The following C10orf105 variants were observed in gnomAD, a reference collection of about 807,000 sequenced individuals.
The protein encoded by C10orf105 is uncharacterized protein C10orf105.
Under a neutral mutation model 0.6 loss-of-function variants are expected in C10orf105, and 2 were observed. The ratio of observed to expected loss-of-function variants is 3.18; its 90% CI spans 1.30 to 10.01. The LOEUF (loss-of-function observed/expected upper bound fraction) is 10.01, where lower values mean the gene tolerates loss of function less well. C10orf105 is among the 30% of genes most tolerant of loss of function. The probability of loss-of-function intolerance (pLI) is 0.04; values close to 1 mark genes in which losing one functional copy is unlikely to be tolerated. For synonymous variants in C10orf105, 95 were observed against 82.4 expected, an observed-to-expected ratio of 1.15 and a Z score of -0.83; for missense variants, 209 against 191.4, an observed-to-expected ratio of 1.09 and a Z score of -0.54.
chr10:71,733,552 A>T (rs1364357727), intron 1 of C10orf105, among the ~76,000 whole-genome samples: 1 of 152,192 alleles, frequency 6.6e-6, no homozygotes, highest in Non-Finnish European at 1.5e-5. Context: ...AGGAAATGCC[A>T]GGGGATTAAG....
At chr10:71,723,963 G>A, upstream of C10orf105, 1 of 1,485,630 alleles carries the variant, frequency 6.7e-7, no homozygotes, top group Admixed American at 2.0e-5. Context: ...GATGCGTGAA[G>A]GGAAGGAAAG....
intron 1 of C10orf105, chr10:71,725,670 AG>A (rs1866779572): frequency 5.3e-6 from 5 of 948,730 alleles, no homozygotes; most frequent in African/African-American, 3.3e-5. Flanking sequence ...GTTCGGTGAC[AG>A]GTGCCCAGCC....
At position 71,713,523 on chromosome 10, in the gene C10orf105, T is replaced by G; in HGVS notation, c.*2413A>C. 1.9e-6 allele frequency: 1 copy of G among 519,098 alleles called. No homozygotes were observed. The highest frequency in any genetic ancestry group is 3.4e-6 in the Non-Finnish European group (1 of 289,976). 32.2% of individuals were successfully genotyped at this position (519,098 alleles called of 1,614,324 possible). A position where few individuals can be genotyped will look rare whatever the true frequency, so the allele number is the denominator to read the frequency against. ...GCGTGGGAGGCTGGCAATGCTCCCC[T>G]CCCTGCATCGGGACCAGGAGGCGGG... is the stretch of plus-strand genomic sequence containing the variant. On this transcript the variant is annotated 3_prime_UTR_variant, in exon 2 of 2. Coordinates refer to ENST00000441508, the MANE Select transcript of C10orf105 (RefSeq NM_001164375.3).
chr10:71,720,484 C>G (rs1388459576), upstream of C10orf105, among the ~76,000 whole-genome samples: 1 of 152,000 alleles, frequency 6.6e-6, no homozygotes, highest in Non-Finnish European at 1.5e-5. Flanking sequence ...CCCCAGAAGC[C>G]AGAGCTTCCC....
Position 71,716,240 on chromosome 10 carries a change from G to C in C10orf105, c.98C>G (p.Thr33Ser). 6.5e-7 allele frequency: 1 copy of C among 1,550,190 alleles called. No individual in the cohort carries two copies. Among genetic ancestry groups the C allele is most frequent in the South Asian group, 1.2e-5 (1 of 83,880 alleles). ...PVTPGTLAEATDPLPMLIALA... is the reference protein window; with the variant it reads ...PVTPGTLAEASDPLPMLIALA... Reference sequence around the variant, plus strand: ...GGCGATGAGCATGGGGAGGGGGTCAGTTGCCTCTGCAAGGGTCCCGGGAGT... The same window carrying C: ...GGCGATGAGCATGGGGAGGGGGTCACTTGCCTCTGCAAGGGTCCCGGGAGT... Residue 33 changes from threonine (T) to serine (S), a missense_variant, in exon 2 of 2, where the codon ACT becomes AGT. Physicochemically the swap from Thr to Ser is moderately conservative, Grantham distance 58 (BLOSUM62 1). Transcript: ENST00000441508.
At position 71,730,731 on chromosome 10, in the gene C10orf105, G is replaced by A. The variant is rs553949133; in HGVS notation, c.-6+6997C>T. 20 of 1,365,570 alleles carry A rather than the reference G, an allele frequency of 1.5e-5. No individual in the cohort carries two copies. In the East Asian group the frequency reaches 4.5e-4, roughly 31 times the overall value. 84.6% of individuals were successfully genotyped at this position (1,365,570 alleles called of 1,614,324 possible). A position where few individuals can be genotyped will look rare whatever the true frequency, so the allele number is the denominator to read the frequency against. On this transcript the variant is annotated intron_variant, in intron 1 of 1. Transcript: ENST00000398786. The stretch of plus-strand genomic sequence containing the variant: ...TCCCCATTTAGCCATGTCTAGGCCA[G>A]GGAGGGGCTGCTGGGATGGTCTTGA...
intron 1 of C10orf105, among the ~76,000 whole-genome samples, chr10:71,731,061 C>T (rs927852774): frequency 7.9e-5 from 12 of 152,224 alleles, no homozygotes; most frequent in African/African-American, 1.9e-4. Flanking sequence ...CTTCCTGTGC[C>T]GCAGGGCAGT....
In C10orf105 at chr10:71,713,057, C is replaced by G; in HGVS notation, c.*2879G>C. On this transcript the variant is annotated 3_prime_UTR_variant, in exon 2 of 2. Coordinates refer to ENST00000441508, the MANE Select transcript of C10orf105 (RefSeq NM_001164375.3). ...TGGCTCCCCACAAACAGGAGGAAGA[C>G]TTGGCCTCCCCCTGCATATCTCCCG... 2 of 738,704 alleles carry G rather than the reference C, an allele frequency of 2.7e-6. No homozygotes were observed. Among genetic ancestry groups the G allele is most frequent in the South Asian group, 2.9e-5 (2 of 69,080 alleles). 45.8% of individuals were successfully genotyped at this position (738,704 alleles called of 1,614,324 possible).
upstream of C10orf105, among the ~76,000 whole-genome samples, chr10:71,723,528 G>A (rs1257615472): frequency 6.6e-6 from 1 of 152,228 alleles, no homozygotes; most frequent in Non-Finnish European, 1.5e-5. Context: ...TGAGCATGGA[G>A]CCATTGTGTG....
rs1866776191 is a variant in C10orf105 at position 71,725,594 on chromosome 10, T to C, written c.-5-9252A>G. ...CCACAGCTAGAACAGAGAAGGCCAT[T>C]AGTTGGCGCCTGGTGTGGGCAGGGC... On this transcript the variant is annotated intron_variant, in intron 1 of 1. Coordinates refer to the C10orf105 transcript ENST00000398786. 2.0e-6 allele frequency: 3 copies of C among 1,510,682 alleles called. No homozygotes were observed. The South Asian group carries it at 3.7e-5, about 19-fold the overall frequency. The allele number at this position is 1,510,682 out of a possible 1,614,324, so 93.6% of individuals were successfully genotyped here.
At chr10:71,726,699 C>T (rs1049108334) in intron 1 of C10orf105, among the ~76,000 whole-genome samples, 2 of 152,204 alleles carry the variant, frequency 1.3e-5, no homozygotes, top group East Asian at 1.9e-4. Flanking sequence ...CTGGTCAGTA[C>T]GCCCTCATCA....
upstream of C10orf105, among the ~76,000 whole-genome samples, chr10:71,720,420 A>AACACACACACACACACACACACAC (rs57346519): frequency 3.4e-5 from 5 of 145,750 alleles, no homozygotes; most frequent in African/African-American, 1.3e-4. Context: ...CTCTTTCCAA[A>AACACACACACACACACACACACAC]ACACACACAC....
intron 1 of C10orf105, among the ~76,000 whole-genome samples, chr10:71,718,298 A>T (rs1181534060): frequency 1.3e-5 from 2 of 152,132 alleles, no homozygotes; most frequent in Admixed American, 1.3e-4. Context: ...CAGCCGCAGG[A>T]CCTCACTCCT....
chr10:71,724,022 A>G (rs1440931229), upstream of C10orf105: 10 of 1,553,738 alleles, frequency 6.4e-6, no homozygotes, highest in Non-Finnish European at 8.7e-6. Flanking sequence ...TCAAGAAGTA[A>G]CTCGTGTCTC....
intron 1 of C10orf105, among the ~76,000 whole-genome samples, chr10:71,731,221 T>G (rs969237906): frequency 6.6e-5 from 10 of 152,204 alleles, no homozygotes; most frequent in Non-Finnish European, 1.5e-4. Flanking sequence ...GGGATACAGC[T>G]GAAAAGGAGC....
Position 71,716,282 on chromosome 10 carries a change from A to G in C10orf105, c.56T>C (p.Phe19Ser). 6.5e-7 allele frequency: 1 copy of G among 1,530,184 alleles called. No homozygotes were observed. The highest frequency in any genetic ancestry group is 1.8e-4 in the Middle Eastern group (1 of 5,632). The allele number at this position is 1,530,184 out of a possible 1,614,324, so 94.8% of individuals were successfully genotyped here. A position where few individuals can be genotyped will look rare whatever the true frequency, so the allele number is the denominator to read the frequency against. Residue 19 changes from phenylalanine (F) to serine (S), a missense_variant, in exon 2 of 2, where the codon TTT becomes TCT. Coordinates refer to ENST00000441508, the MANE Select transcript of C10orf105 (RefSeq NM_001164375.3). ...CCCGGGAGTGACGGGAGCTGAGAGA[A>G]AGGCGAGGGGGCTGATGGCTGGGGA... ...ASSPAISPLAFLSAPVTPGTL... is the reference protein window; with the variant it reads ...ASSPAISPLASLSAPVTPGTL...
rs565109979 is a variant in C10orf105 at position 71,734,475 on chromosome 10, G to C, written c.-6+3253C>G. 1.3e-5 allele frequency: 19 copies of C among 1,506,548 alleles called. No homozygotes were observed. In the South Asian group the frequency reaches 2.1e-4, roughly 16 times the overall value. The allele number at this position is 1,506,548 out of a possible 1,614,324, so 93.3% of individuals were successfully genotyped here. The stretch of plus-strand genomic sequence containing the variant: ...GAGGGTCTTGATAGCCTGAGGCTTC[G>C]CCATGTCCAGCCATGCCACACCTTC... On this transcript the variant is annotated intron_variant, in intron 1 of 1. Transcript: ENST00000398786.
chr10:71,737,214 A>G (rs1251171429), intron 1 of C10orf105, among the ~76,000 whole-genome samples: 1 of 152,212 alleles, frequency 6.6e-6, no homozygotes, highest in Non-Finnish European at 1.5e-5. Context: ...GAGTCTTGGC[A>G]AGAGAAATCA....
rs769131402 is a variant in C10orf105 at position 71,715,908 on chromosome 10, A to G, written c.*28T>C. ...AGGATCTACAGGTAGACCTAGGGGGATGTGGGGGCATGTTTGTGGACACCC... is the reference window on the plus strand; with the variant it reads ...AGGATCTACAGGTAGACCTAGGGGGGTGTGGGGGCATGTTTGTGGACACCC... On this transcript the variant is annotated 3_prime_UTR_variant, in exon 2 of 2. Transcript: ENST00000441508. 5.1e-5 allele frequency: 73 copies of G among 1,441,344 alleles called. No homozygotes were observed. The highest frequency in any genetic ancestry group is 6.4e-5 in the Non-Finnish European group (70 of 1,094,132). 89.3% of individuals were successfully genotyped at this position (1,441,344 alleles called of 1,614,324 possible). A position where few individuals can be genotyped will look rare whatever the true frequency, so the allele number is the denominator to read the frequency against.
Sources: allele counts gnomAD v4.1 joint callset (sites outside exome capture counted in the v4.1 genomes callset), GRCh38; gene constraint gnomAD v4.1.1; transcripts MANE v1.5; gene names NCBI Gene and HGNC (gene_info 2026-07-23, HGNC 2026-07-21).